The following TM2D1 variants were observed in gnomAD, a reference collection of about 807,000 sequenced individuals.
The protein encoded by TM2D1 is TM2 domain-containing protein 1.
TM2D1 carries 15 observed loss-of-function variants against 28.4 expected under a neutral mutation model. The ratio of observed to expected loss-of-function variants is 0.53; its 90% confidence interval spans 0.35 to 0.81. The LOEUF is 0.81. TM2D1 is among the 40% of genes least tolerant of loss of function. The probability of loss-of-function intolerance (pLI) is 0.01; values close to 1 mark genes in which losing one functional copy is unlikely to be tolerated. For missense variants in TM2D1, 236 were observed against 254.9 expected (o/e 0.93, Z 0.50); for synonymous variants, 93 against 96.2 (o/e 0.97, Z 0.20).
At chr1:61,716,680 T>TATA (rs895629196) in intron 2 of TM2D1, among the ~76,000 whole-genome samples, 28 of 150,780 alleles carry the variant, frequency 1.9e-4, no homozygotes, top group Non-Finnish European at 5.9e-5. Context: ...AAGAAATGAA[T>TATA]ATAACATTGT....
chr1:61,721,488 G>C (rs1400166316), intron 2 of TM2D1, among the ~76,000 whole-genome samples: 1 of 149,652 alleles, frequency 6.7e-6, no homozygotes, highest in African/African-American at 2.5e-5. Flanking sequence ...GTTGCAATGA[G>C]CTGAGATTGC....
At chr1:61,691,713 C>T (rs1251152416) in intron 5 of TM2D1, among the ~76,000 whole-genome samples, 7 of 149,556 alleles carry the variant, frequency 4.7e-5, no homozygotes, top group African/African-American at 1.2e-4. Flanking sequence ...GTCAGGAGTT[C>T]GACACCGGCC....
At chr1:61,723,199 C>T (rs1034067606) in intron 2 of TM2D1, among the ~76,000 whole-genome samples, 2 of 151,974 alleles carry the variant, frequency 1.3e-5, no homozygotes, top group African/African-American at 4.8e-5. Flanking sequence ...CAAATATAAA[C>T]CAAAGTAATA....
At chr1:61,722,910 C>A (rs917149429) in intron 2 of TM2D1, among the ~76,000 whole-genome samples, 2 of 152,126 alleles carry the variant, frequency 1.3e-5, no homozygotes, top group African/African-American at 4.8e-5. Flanking sequence ...TGGCAGCCAG[C>A]TGTCTCAAAA....
At chr1:61,696,556 A>G (rs911470488) in intron 4 of TM2D1, among the ~76,000 whole-genome samples, 2 of 151,798 alleles carry the variant, frequency 1.3e-5, no homozygotes, top group African/African-American at 4.8e-5. Context: ...AAAAAAAAAA[A>G]AAGAAAGAAA....
chr1:61,697,627 T>C (rs759608212), intron 4 of TM2D1: 11 of 152,182 alleles, frequency 7.2e-5, no homozygotes, highest in Non-Finnish European at 1.3e-4. Flanking sequence ...TTTGATAAAT[T>C]TGACACTTGT....
intron 2 of TM2D1, among the ~76,000 whole-genome samples, chr1:61,720,501 C>A: frequency 6.6e-6 from 1 of 152,148 alleles, no homozygotes; most frequent in Non-Finnish European, 1.5e-5. Context: ...CTCAGCCTCC[C>A]AAAGTGATGG....
intron 2 of TM2D1, among the ~76,000 whole-genome samples, chr1:61,723,283 G>C (rs74076150): frequency 0.019 from 2,935 of 152,316 alleles, 112 homozygotes; most frequent in African/African-American, 0.065. Flanking sequence ...GAAGCAGAAA[G>C]GACTTGTAGG....
intron 3 of TM2D1, among the ~76,000 whole-genome samples, chr1:61,703,621 C>T (rs1644418873): frequency 6.8e-6 from 1 of 146,448 alleles, no homozygotes. Flanking sequence ...CCATGTTGGC[C>T]AGGCTGGTCT....
chr1:61,692,885 T>A (rs1399326012), intron 5 of TM2D1, among the ~76,000 whole-genome samples: 1 of 152,122 alleles, frequency 6.6e-6, no homozygotes, highest in African/African-American at 2.4e-5. Flanking sequence ...GTTCACACAC[T>A]CTAACTCTAC....
intron 5 of TM2D1, among the ~76,000 whole-genome samples, chr1:61,692,596 A>C (rs1349018222): frequency 6.6e-6 from 1 of 152,066 alleles, no homozygotes; most frequent in Non-Finnish European, 1.5e-5. Context: ...AAGAAAAATA[A>C]ACAAAAAGAT....
rs368809917 is a variant in TM2D1, at chr1:61,690,930, T to C, written c.513+3767A>G. On this transcript the variant is annotated intron_variant, in intron 5 of 6. Transcript: ENST00000606498. ...TTATGCTAAATTTCTGCTGCTTGTA[T>C]GGTTATTAGTTCTTTAAGGAAATCC... Among the ~76,000 whole-genome samples the C allele has an allele frequency of 2.2e-4, 33 of 152,332 alleles. No individual in the cohort carries two copies. In the South Asian group the frequency reaches 5.0e-3, roughly 23 times the overall value.
intron 3 of TM2D1, among the ~76,000 whole-genome samples, chr1:61,702,697 T>C (rs985603723): frequency 2.6e-4 from 39 of 151,600 alleles, no homozygotes; most frequent in African/African-American, 8.7e-4. Flanking sequence ...ACCTATATAA[T>C]ATATATAAAG....
intron 4 of TM2D1, chr1:61,699,985 TAAGGTTAGCTTTGCTA>T: frequency 1.4e-6 from 1 of 695,118 alleles, no homozygotes. Context: ...ATGGAAGAAA[TAAGGTTAGCTTTGCTA>T]GCTAGTAGGC....
At chr1:61,724,019 G>A (rs549104889) in intron 1 of TM2D1, among the ~76,000 whole-genome samples, 6 of 152,268 alleles carry the variant, frequency 3.9e-5, no homozygotes, top group Non-Finnish European at 7.4e-5. Context: ...GCAACATAAC[G>A]AGAAGTCTGT....
intron 4 of TM2D1, chr1:61,697,396 G>A (rs776467000): frequency 2.7e-5 from 4 of 150,160 alleles, no homozygotes; most frequent in African/African-American, 4.9e-5. Context: ...TATTTCCAAG[G>A]GTCTCACTGT....
At chr1:61,722,493 C>A (rs538537526) in intron 2 of TM2D1, among the ~76,000 whole-genome samples, 1 of 152,002 alleles carries the variant, frequency 6.6e-6, no homozygotes, top group Non-Finnish European at 1.5e-5. Flanking sequence ...CTCAGCCTCC[C>A]GAGTAGCTGG....
intron 2 of TM2D1, among the ~76,000 whole-genome samples, chr1:61,712,474 G>A (rs1449831330): frequency 1.3e-5 from 2 of 152,072 alleles, no homozygotes; most frequent in African/African-American, 4.8e-5. Context: ...GCCCTGGTGC[G>A]ATCTCAGCTC....
intron 2 of TM2D1, among the ~76,000 whole-genome samples, chr1:61,711,652 T>C (rs1057207851): frequency 6.6e-6 from 1 of 151,962 alleles, no homozygotes; most frequent in African/African-American, 2.4e-5. Context: ...CAAAGAGATG[T>C]GGCAGAACTT....
Sources: allele counts gnomAD v4.1 joint callset (sites outside exome capture counted in the v4.1 genomes callset), GRCh38; gene constraint gnomAD v4.1.1; transcripts MANE v1.5; gene names NCBI Gene and HGNC (gene_info 2026-07-23, HGNC 2026-07-21).